Variants in RYR1 observed in about 807,000 individuals in gnomAD.
The protein encoded by RYR1 is ryanodine receptor 1.
In RYR1, 342 loss-of-function variants were observed where a neutral mutation model predicts 583.5. The observed-to-expected ratio is 0.59, with a 90% CI of 0.54 to 0.64. The LOEUF is 0.64. Ranked by LOEUF, RYR1 falls within the 30% of genes least tolerant of loss-of-function variation. The probability of loss-of-function intolerance (pLI) is 0.00; values close to 1 mark genes in which losing one functional copy is unlikely to be tolerated. For synonymous variants in RYR1, 2,791 were observed against 2,822.5 expected (o/e 0.99, Z 0.35); for missense variants, 6,032 against 6,917.2 (o/e 0.87, Z 4.54).
In RYR1 at chr19:38,502,756, CA is replaced by C. The variant is rs1214355727; in HGVS notation, c.7835+30del. ...GAGCGGGGCAGGCTTCAGGGTGGGG[CA>C]GGGGCAGGGGCAGGGGCAGGGGCAG... is the stretch of plus-strand genomic sequence containing the variant. On this transcript the variant is annotated intron_variant, in intron 48 of 105. Coordinates refer to ENST00000359596, the MANE Select transcript of RYR1 (RefSeq NM_000540.3). The C allele has an allele frequency of 1.8e-5, 6 of 336,558 alleles. No homozygotes were observed. The East Asian group carries it at 3.3e-4, about 19-fold the overall frequency. 20.8% of individuals were successfully genotyped at this position (336,558 alleles called of 1,614,324 possible).
chr19:38,575,590 G>A (rs575734548), intron 96 of RYR1, among the ~76,000 whole-genome samples: 19 of 152,224 alleles, frequency 1.2e-4, no homozygotes, highest in Non-Finnish European at 2.4e-4. Context: ...ATCACCTGAG[G>A]TCAGAAGTTC....
intron 20 of RYR1, among the ~76,000 whole-genome samples, chr19:38,461,212 C>T (rs147787091): frequency 7.2e-5 from 11 of 152,130 alleles, no homozygotes; most frequent in South Asian, 2.1e-4. Context: ...GGGGGCCTCG[C>T]GCTTGAGCCC....
rs570246451 is a variant in RYR1 at position 38,521,014 on chromosome 19, A to G, written c.10259+1560A>G. 1.1e-4 allele frequency among the ~76,000 whole-genome samples: 16 copies of G among 152,050 alleles called. No homozygotes were observed. The South Asian group carries it at 3.1e-3, about 30-fold the overall frequency. On this transcript the variant is annotated intron_variant, in intron 67 of 105. Transcript: ENST00000359596. ...TTGGGGCCGGGTGCAGTGGCTTACA[A>G]CTGTAATCCCAGCACTTTGAGAGAC...
chr19:38,566,867 C>A, intron 91 of RYR1, 44 bp from the exon 92 acceptor site: 4 of 1,573,886 alleles, frequency 2.5e-6, no homozygotes, highest in Non-Finnish European at 2.6e-6. Flanking sequence ...GCCTGAGAAG[C>A]GCTTAGGGTG....
intron 36 of RYR1, 75 bp from the exon 37 acceptor site, chr19:38,490,546 C>T (rs1198150326): frequency 2.3e-5 from 23 of 982,580 alleles, no homozygotes; most frequent in Non-Finnish European, 3.6e-5. Context: ...CTAACAATTG[C>T]ATCTTCTATC....
rs1217155939 is a variant in RYR1, at chr19:38,546,841, A to G, written c.12094+315A>G. Reference sequence around the variant, plus strand: ...GTGGTGTGTGCCTGTAGACCCAGCTACTCGGGAGGCTGAGGTGGGAGGATC... The same window carrying G: ...GTGGTGTGTGCCTGTAGACCCAGCTGCTCGGGAGGCTGAGGTGGGAGGATC... On this transcript the variant is annotated intron_variant, in intron 88 of 105. Coordinates refer to ENST00000359596, the MANE Select transcript of RYR1 (RefSeq NM_000540.3). 3.4e-5 allele frequency among the ~76,000 whole-genome samples: 5 copies of G among 145,928 alleles called. No individual in the cohort carries two copies. The Admixed American group carries it at 3.5e-4, about 10-fold the overall frequency.
chr19:38,535,854 C>A, intron 81 of RYR1, 143 bp from the exon 82 acceptor site: 1 of 776,546 alleles, frequency 1.3e-6, no homozygotes. Context: ...GCCAACTCTT[C>A]ATTTCTGCTT....
At chr19:38,575,600 C>T (rs1165310634) in intron 96 of RYR1, among the ~76,000 whole-genome samples, 1 of 148,388 alleles carries the variant, frequency 6.7e-6, no homozygotes, top group Non-Finnish European at 1.5e-5. Flanking sequence ...GTCAGAAGTT[C>T]AAGAACAGCC....
Position 38,515,014 on chromosome 19 carries a change from T to C in RYR1, c.9473-12T>C, listed in dbSNP as rs369067653. On this transcript the variant is annotated splice_polypyrimidine_tract_variant and intron_variant, in intron 63 of 105. Transcript: ENST00000359596. Reference sequence around the variant, plus strand: ...GAGCGCATGCCGCAGCCTCGCCCCCTGTCTCCCTCAGTGGACGACGTCCAG... The same window carrying C: ...GAGCGCATGCCGCAGCCTCGCCCCCCGTCTCCCTCAGTGGACGACGTCCAG... The C allele has an allele frequency of 1.5e-5, 24 of 1,608,570 alleles. No individual in the cohort carries two copies. Among genetic ancestry groups the C allele is most frequent in the Non-Finnish European group, 1.8e-5 (21 of 1,176,226 alleles).
chr19:38,564,604 G>A (rs929257670), intron 90 of RYR1, among the ~76,000 whole-genome samples: 4 of 150,426 alleles, frequency 2.7e-5, no homozygotes, highest in African/African-American at 7.4e-5. Flanking sequence ...GGCAACCTCC[G>A]CCTCCCGGGT....
At chr19:38,523,163 C>T (rs773047568) in intron 68 of RYR1, 48 bp downstream of exon 68, 12 of 1,613,650 alleles carry the variant, frequency 7.4e-6, no homozygotes, top group Admixed American at 6.7e-5. Flanking sequence ...GGAGCCGCAG[C>T]CCACAGGCGC....
At chr19:38,537,063 G>T (rs912268069) in intron 83 of RYR1, 18 of 536,812 alleles carry the variant, frequency 3.4e-5, no homozygotes, top group Admixed American at 9.4e-5. Flanking sequence ...TCTCTTTCCA[G>T]CTGGATATTG....
In RYR1 at chr19:38,577,785, G is replaced by A. The variant is rs1043355000; in HGVS notation, c.14173-133G>A. On this transcript the variant is annotated intron_variant, in intron 97 of 105. Coordinates refer to ENST00000359596, the MANE Select transcript of RYR1 (RefSeq NM_000540.3). ...CCCTCCAGCCTGGGTGACAGAGGGAGACTGTCTCAAAAAAAAAAATGCACC... is the reference window on the plus strand; with the variant it reads ...CCCTCCAGCCTGGGTGACAGAGGGAAACTGTCTCAAAAAAAAAAATGCACC... 6.8e-6 allele frequency: 8 copies of A among 1,182,206 alleles called. No homozygotes were observed. The African/African-American group carries it at 1.1e-4, about 17-fold the overall frequency. The allele number at this position is 1,182,206 out of a possible 1,614,324, so 73.2% of individuals were successfully genotyped here.
At chr19:38,586,634 C>A in intron 105 of RYR1, 58 bp downstream of exon 105, 2 of 1,503,912 alleles carry the variant, frequency 1.3e-6, no homozygotes, top group South Asian at 2.2e-5. Flanking sequence ...TAACATAAGG[C>A]CAGTCAGTAG....
chr19:38,508,197 A>AT (rs1376795108), intron 58 of RYR1, among the ~76,000 whole-genome samples: 1 of 151,700 alleles, frequency 6.6e-6, no homozygotes, highest in Non-Finnish European at 1.5e-5. Flanking sequence ...TTTTATTTTT[A>AT]TTTTTTATTT....
At chr19:38,441,489 G>A (rs1972681805) in intron 2 of RYR1, among the ~76,000 whole-genome samples, 1 of 151,130 alleles carries the variant, frequency 6.6e-6, no homozygotes, top group Admixed American at 6.6e-5. Flanking sequence ...AGTGGAGTCT[G>A]AGGGAAGGTG....
rs1360767202 is a variant in RYR1 at position 38,526,215 on chromosome 19, C to T, written c.10626+713C>T. Among the ~76,000 whole-genome samples, 3 of 151,960 alleles carry T rather than the reference C, an allele frequency of 2.0e-5. No homozygotes were observed. The East Asian group carries it at 5.8e-4, about 30-fold the overall frequency. Reference sequence around the variant, plus strand: ...GCTTGCTGGGATATCAAGGAGGCCTCCCGGGACCCCACTTACCCCTTGTGT... The same window carrying T: ...GCTTGCTGGGATATCAAGGAGGCCTTCCGGGACCCCACTTACCCCTTGTGT... On this transcript the variant is annotated intron_variant, in intron 71 of 105. Coordinates refer to ENST00000359596, the MANE Select transcript of RYR1 (RefSeq NM_000540.3).
At chr19:38,505,505 G>T (rs1970404099) in intron 53 of RYR1, 107 bp downstream of exon 53, 2 of 865,054 alleles carry the variant, frequency 2.3e-6, no homozygotes, top group Admixed American at 2.0e-5. Context: ...AGGTGGATCT[G>T]TGGGTTAGGT....
chr19:38,527,155 C>A, intron 72 of RYR1, 103 bp downstream of exon 72: 1 of 1,328,402 alleles, frequency 7.5e-7, no homozygotes, highest in Non-Finnish European at 1.1e-6. Flanking sequence ...GAAGAAAGAC[C>A]TCAAAGGTCA....
Sources: gnomAD v4.1 joint callset for allele counts (sites outside exome capture counted in the v4.1 genomes callset) on GRCh38, gnomAD v4.1.1 for gene constraint, MANE v1.5 for transcripts, NCBI Gene and HGNC (gene_info 2026-07-23, HGNC 2026-07-21) for gene names.